Variants in ATF2 observed in about 807,000 individuals in gnomAD.
ATF2 encodes activating transcription factor 2, also known as cyclic AMP-dependent transcription factor ATF-2.
In ATF2, 24 loss-of-function variants were observed where a neutral mutation model predicts 60.6. The ratio of observed to expected loss-of-function variants is 0.40; its 90% confidence interval spans 0.29 to 0.56. The LOEUF (loss-of-function observed/expected upper bound fraction) is 0.56, where lower values mean the gene tolerates loss of function less well. Ranked by LOEUF, ATF2 falls within the 20% of genes least tolerant of loss-of-function variation. The probability of loss-of-function intolerance (pLI) is 0.54; values close to 1 mark genes in which losing one functional copy is unlikely to be tolerated. For missense variants in ATF2, 433 were observed against 607.7 expected, an observed-to-expected ratio of 0.71 and a Z score of 3.02; for synonymous variants, 206 against 215.4, an observed-to-expected ratio of 0.96 and a Z score of 0.38.
At chr2:175,108,251 G>A (rs552635217) in intron 10 of ATF2, among the ~76,000 whole-genome samples, 5 of 151,698 alleles carry the variant, frequency 3.3e-5, no homozygotes, top group Admixed American at 6.5e-5. Context: ...GAGCCCCTCC[G>A]CCCAGCAGCC....
chr2:175,149,938 A>G (rs1699195317), intron 2 of ATF2, among the ~76,000 whole-genome samples: 1 of 152,170 alleles, frequency 6.6e-6, no homozygotes, highest in Non-Finnish European at 1.5e-5. Flanking sequence ...CATTCAGTCA[A>G]TAAACATTAT....
In ATF2 at chr2:175,105,828, A is replaced by G. The variant is rs184955140; in HGVS notation, c.828+5740T>C. 1.5e-3 allele frequency among the ~76,000 whole-genome samples: 231 copies of G among 152,308 alleles called. 1 individual carries two copies. The highest frequency in any genetic ancestry group is 5.2e-3 in the African/African-American group (217 of 41,590). On this transcript the variant is annotated intron_variant, in intron 10 of 13. Coordinates refer to ENST00000264110, the MANE Select transcript of ATF2 (RefSeq NM_001880.4). ...CACAATGTAATTAAAATATAAATCA[A>G]TATGAAAAAGATAAATAGAAAAGCC...
intron 2 of ATF2, among the ~76,000 whole-genome samples, chr2:175,145,164 G>C (rs1052252439): frequency 1.3e-5 from 2 of 152,116 alleles, no homozygotes; most frequent in Non-Finnish European, 2.9e-5. Flanking sequence ...TCCACTGAGA[G>C]GGCCTGGGAA....
At position 175,114,009 on chromosome 2, in the gene ATF2, A is replaced by G; in HGVS notation, c.726T>C (p.Val242=). The G allele has an allele frequency of 6.2e-7, 1 of 1,610,062 alleles. No homozygotes were observed. Among genetic ancestry groups the G allele is most frequent in the Non-Finnish European group, 8.5e-7 (1 of 1,177,672 alleles). Residue 242 remains valine, a synonymous_variant, in exon 9 of 14, where the codon GTT becomes GTC. Transcript: ENST00000264110. The part of the protein sequence containing the change: ...PASITSSNVH[V]PAAVPLVRPV... The stretch of plus-strand genomic sequence containing the variant: ...ACTTTCTTACTGGGACTGCAGCTGG[A>G]ACATGCACATTAGAACTTGTAATTG...
In ATF2 at chr2:175,076,411, T is replaced by TA. The variant is rs1334806673; in HGVS notation, c.1292-1577dup. On this transcript the variant is annotated intron_variant, in intron 13 of 13. Coordinates refer to ENST00000264110, the MANE Select transcript of ATF2 (RefSeq NM_001880.4). ...AATTATATAAAACAGAATGAATACT[T>TA]AAAAAAAATTATAGATTCAGATGGT... 3.3e-5 allele frequency among the ~76,000 whole-genome samples: 5 copies of TA among 151,796 alleles called. No individual in the cohort carries two copies. The South Asian group carries it at 8.3e-4, about 25-fold the overall frequency.
chr2:175,164,717 A>G (rs549353378), intron 1 of ATF2, among the ~76,000 whole-genome samples: 1 of 152,336 alleles, frequency 6.6e-6, no homozygotes, highest in South Asian at 2.1e-4. Context: ...CTATCCTACT[A>G]CTTCAACATT....
chr2:175,137,021 T>C (rs1285500543), intron 2 of ATF2, among the ~76,000 whole-genome samples: 1 of 152,134 alleles, frequency 6.6e-6, no homozygotes, highest in African/African-American at 2.4e-5. Flanking sequence ...ACTCCACCAA[T>C]GGCTTCACCT....
At position 175,113,784 on chromosome 2, in the gene ATF2, T is replaced by TA. The variant is rs769261064; in HGVS notation, c.741+209dup. On this transcript the variant is annotated intron_variant, in intron 9 of 13. Transcript: ENST00000264110. ...TGGGTTGAATAAGAAGATCTCAGTA[T>TA]AAAAAAAAAATTAAGGTTTTGGGGA... Among the ~76,000 whole-genome samples the TA allele has an allele frequency of 2.3e-4, 34 of 148,462 alleles. No individual in the cohort carries two copies. In the South Asian group the frequency reaches 4.5e-3, roughly 20 times the overall value.
chr2:175,148,418 T>C (rs545253165), intron 2 of ATF2, among the ~76,000 whole-genome samples: 1 of 152,000 alleles, frequency 6.6e-6, no homozygotes, highest in East Asian at 1.9e-4. Context: ...CACAGTCCAC[T>C]GAGACTCTGA....
At chr2:175,121,655 G>A (rs1388098888) in intron 4 of ATF2, 115 bp from the exon 5 acceptor site, 1 of 699,580 alleles carries the variant, frequency 1.4e-6, no homozygotes, top group African/African-American at 1.8e-5. Context: ...TGAAATAGCA[G>A]TTTTTAAACT....
intron 3 of ATF2, 124 bp downstream of exon 3, chr2:175,136,285 TAAG>T: frequency 1.1e-6 from 1 of 880,686 alleles, no homozygotes; most frequent in Non-Finnish European, 1.9e-6. Flanking sequence ...AACTACATAC[TAAG>T]TAAGTGACTT....
intron 3 of ATF2, among the ~76,000 whole-genome samples, chr2:175,134,398 AC>A (rs1005204768): frequency 3.3e-5 from 5 of 152,174 alleles, no homozygotes; most frequent in South Asian, 2.1e-4. Flanking sequence ...TCTAAAAAAA[AC>A]GACTGATTTT....
intron 2 of ATF2, among the ~76,000 whole-genome samples, chr2:175,146,373 G>A (rs1193977327): frequency 2.0e-5 from 3 of 152,140 alleles, no homozygotes; most frequent in Non-Finnish European, 4.4e-5. Flanking sequence ...AAACTTAAAT[G>A]TGACCTGCAG....
chr2:175,149,550 A>AAAC (rs369217450), intron 2 of ATF2, among the ~76,000 whole-genome samples: 2,124 of 152,292 alleles, frequency 0.014, 46 homozygotes, highest in African/African-American at 0.048. Flanking sequence ...AGGTAAATCT[A>AAAC]AACAACAACA....
In ATF2 at chr2:175,118,314, A is replaced by G. The variant is rs1199845068; in HGVS notation, c.255T>C (p.Phe85=). 1 of 1,611,072 alleles carries G rather than the reference A, an allele frequency of 6.2e-7. No individual in the cohort carries two copies. Among genetic ancestry groups the G allele is most frequent in the South Asian group, 1.1e-5 (1 of 90,712 alleles). ...FLKNCEEVGL[F]NELASPFENE... ...TCTCAAATGGACTCGCCAACTCATT[A>G]AACAAACCCACTTCTTCACAGTTTT... The change falls in exon 6 of 14, where the codon TTT becomes TTC. Residue 85 remains phenylalanine (F), a synonymous_variant. Coordinates refer to ENST00000264110, the MANE Select transcript of ATF2 (RefSeq NM_001880.4).
intron 7 of ATF2, 26 bp from the exon 8 acceptor site, chr2:175,114,894 G>A: frequency 6.2e-7 from 1 of 1,600,154 alleles, no homozygotes; most frequent in Non-Finnish European, 8.5e-7. Flanking sequence ...ATAAAAAAGG[G>A]TGGCATTTAA....
At chr2:175,111,338 G>C (rs1396750268) in intron 10 of ATF2, among the ~76,000 whole-genome samples, 1 of 152,092 alleles carries the variant, frequency 6.6e-6, no homozygotes, top group Non-Finnish European at 1.5e-5. Flanking sequence ...CAAACAACAA[G>C]TGACAAGAAA....
At chr2:175,125,761 T>C (rs1022479759) in intron 4 of ATF2, among the ~76,000 whole-genome samples, 2 of 152,240 alleles carry the variant, frequency 1.3e-5, no homozygotes, top group Middle Eastern at 3.4e-3. Flanking sequence ...AAAATGCTGA[T>C]ATGTGTAATG....
rs185193492 is a variant in ATF2, at chr2:175,088,952, C to T, written c.1185+4109G>A. Among the ~76,000 whole-genome samples the T allele has an allele frequency of 1.8e-3, 271 of 152,180 alleles. 2 individuals carry two copies. Among genetic ancestry groups the T allele is most frequent in the African/African-American group, 5.8e-3 (239 of 41,540 alleles). ...ATCCCAGCACTTTGGGAAGCTGAGG[C>T]GGGCAGATCACTTGAGGTCGGGAGT... On this transcript the variant is annotated intron_variant, in intron 12 of 13. Transcript: ENST00000264110.
Sources: gnomAD v4.1 joint callset for allele counts (sites outside exome capture counted in the v4.1 genomes callset) on GRCh38, gnomAD v4.1.1 for gene constraint, MANE v1.5 for transcripts, NCBI Gene and HGNC (gene_info 2026-07-23, HGNC 2026-07-21) for gene names.